HERC2: variants seen among roughly 807,000 people sequenced by gnomAD.
HERC2 encodes the protein E3 ubiquitin-protein ligase HERC2.
HERC2 carries 102 observed loss-of-function variants against 537.7 expected under a neutral mutation model. That is an observed-to-expected ratio of 0.19 (90% confidence interval 0.16 to 0.22). The LOEUF (loss-of-function observed/expected upper bound fraction) is 0.22. Ranked by LOEUF, HERC2 falls within the 10% of genes least tolerant of loss-of-function variation. The pLI, the probability that HERC2 is intolerant of heterozygous loss-of-function variation, is 1.00. For synonymous variants in HERC2, 2,224 were observed against 2,466.2 expected (o/e 0.90, Z 2.91); for missense variants, 4,236 against 6,198.2 (o/e 0.68, Z 10.63).
rs2075778567 is a variant in HERC2 at position 28,272,962 on chromosome 15, G to A, written c.843C>T (p.Ile281=). The A allele has an allele frequency of 3.1e-6, 5 of 1,612,394 alleles. No individual in the cohort carries two copies. The highest frequency in any genetic ancestry group is 1.7e-5 in the Admixed American group (1 of 60,002). ...GGGCCAAGTGCTGGTCCTGCAGGGGGATGCTTCCTGGCCCTTTGGTGGCTG... is the reference window on the plus strand; with the variant it reads ...GGGCCAAGTGCTGGTCCTGCAGGGGAATGCTTCCTGGCCCTTTGGTGGCTG... ...GTPATKGPGS[I]PLQDQHLALA... is the part of the protein sequence containing the mutation. The change falls in exon 8 of 93, where the codon ATC becomes ATT. Residue 281 remains isoleucine, a synonymous_variant. Coordinates refer to ENST00000261609, the MANE Select transcript of HERC2 (RefSeq NM_004667.6).
chr15:28,269,400 C>T lies in HERC2; in HGVS notation c.1294G>A (p.Gly432Arg), dbSNP rs2075658797. The change falls in exon 11 of 93, where the codon GGA (glycine) becomes AGA (arginine). Residue 432 changes from glycine to arginine, a missense_variant. Around this residue, in one of 27 missense-constraint regions of HERC2, gnomAD observed 491 missense variants for 559.3 expected, o/e 0.88. Coordinates refer to ENST00000261609, the MANE Select transcript of HERC2 (RefSeq NM_004667.6). ...ATCACATTGGCATAGTATTTCCATC[C>T]TATTAACCCCCAACCTATGACCTCT... is the stretch of plus-strand genomic sequence containing the variant. ...LQEVIGWGLI[G>R]WKYYANVIGP... 1 of 1,614,154 alleles carries T rather than the reference C, an allele frequency of 6.2e-7. No individual in the cohort carries two copies. Among genetic ancestry groups the T allele is most frequent in the African/African-American group, 1.3e-5 (1 of 75,036 alleles).
At chr15:28,124,863 C>T in intron 84 of HERC2, 143 bp downstream of exon 84, 2 of 860,226 alleles carry the variant, frequency 2.3e-6, no homozygotes, top group South Asian at 4.4e-5. Context: ...TATCAAGGTT[C>T]TTAAATGCAC....
chr15:28,216,920 A>C (rs929027649), intron 38 of HERC2, among the ~76,000 whole-genome samples: 1 of 151,814 alleles, frequency 6.6e-6, no homozygotes, highest in Non-Finnish European at 1.5e-5. Flanking sequence ...TCACCCACTC[A>C]CACCTTTACC....
At chr15:28,287,628 T>TAC (rs957968715) in intron 4 of HERC2, among the ~76,000 whole-genome samples, 22 of 152,186 alleles carry the variant, frequency 1.4e-4, no homozygotes, top group Non-Finnish European at 1.3e-4. Context: ...TCAAATGCAT[T>TAC]ACTTCATGTC....
At chr15:28,156,715 C>T (rs1329723321) in intron 69 of HERC2, among the ~76,000 whole-genome samples, 1 of 152,138 alleles carries the variant, frequency 6.6e-6, no homozygotes, top group Non-Finnish European at 1.5e-5. Flanking sequence ...AATTTGACTT[C>T]CTCTTGTTCT....
chr15:28,246,371 A>C (rs986210558), intron 22 of HERC2, among the ~76,000 whole-genome samples: 6 of 152,186 alleles, frequency 3.9e-5, no homozygotes, highest in Admixed American at 1.3e-4. Context: ...ACACTAAAAA[A>C]TAATGCTCTA....
chr15:28,318,153 C>T (rs969707971), intron 2 of HERC2, among the ~76,000 whole-genome samples: 3 of 152,120 alleles, frequency 2.0e-5, no homozygotes, highest in African/African-American at 7.2e-5. Flanking sequence ...TTTATAGTTC[C>T]TTTGCTTAAC....
chr15:28,252,830 T>G (rs1212322326), intron 20 of HERC2, among the ~76,000 whole-genome samples: 1 of 152,232 alleles, frequency 6.6e-6, no homozygotes, highest in Non-Finnish European at 1.5e-5. Flanking sequence ...GCTCTAAAAC[T>G]TCCTGTTTCA....
At chr15:28,232,677 C>T (rs1044767073) in intron 30 of HERC2, among the ~76,000 whole-genome samples, 4 of 152,076 alleles carry the variant, frequency 2.6e-5, no homozygotes, top group Non-Finnish European at 5.9e-5. Flanking sequence ...TGCAAAAAGA[C>T]TTTTCTGTAC....
rs1894364881 is a variant in HERC2 at position 28,168,419 on chromosome 15, T to C, written c.10401A>G (p.Gln3467=). The change falls in exon 67 of 93, where the codon CAA becomes CAG. Residue 3467 remains glutamine (Q), a synonymous_variant. Transcript: ENST00000261609. ...IEDRLSPNPW[Q]EKREIVSSED... Reference sequence around the variant, plus strand: ...GATTCGCTTTTACCTCTCTCTTTTCTTGCCATGGATTTGGACTCAGTCTGT... The same window carrying C: ...GATTCGCTTTTACCTCTCTCTTTTCCTGCCATGGATTTGGACTCAGTCTGT... The C allele has an allele frequency of 6.2e-7, 1 of 1,613,738 alleles. No individual in the cohort carries two copies. Among genetic ancestry groups the C allele is most frequent in the South Asian group, 1.1e-5 (1 of 90,968 alleles).
At position 28,202,161 on chromosome 15, in the gene HERC2, A is replaced by G. The variant is rs1289301792; in HGVS notation, c.7569T>C (p.Tyr2523=). ...LSDADTVSDE[Y]SDEEVVEDVD... is the part of the protein sequence containing the mutation. ...CGTCCTCCACCACCTCCTCGTCAGAATACTCGTCGGACACCGTGTCTGCAT... is the reference window on the plus strand; with the variant it reads ...CGTCCTCCACCACCTCCTCGTCAGAGTACTCGTCGGACACCGTGTCTGCAT... The change falls in exon 47 of 93, where the codon TAT becomes TAC. Residue 2523 remains tyrosine, a synonymous_variant. Transcript: ENST00000261609. 2 of 1,582,644 alleles carry G rather than the reference A, an allele frequency of 1.3e-6. No individual in the cohort carries two copies. The highest frequency in any genetic ancestry group is 2.2e-5 in the South Asian group (2 of 90,358).
At chr15:28,277,393 G>A (rs1433870240) in intron 5 of HERC2, among the ~76,000 whole-genome samples, 1 of 151,826 alleles carries the variant, frequency 6.6e-6, no homozygotes, top group Non-Finnish European at 1.5e-5. Flanking sequence ...TGCCATTGAG[G>A]GCAACGGGAC....
chr15:28,288,867 CTT>C (rs1032002740), intron 4 of HERC2, among the ~76,000 whole-genome samples: 1,507 of 148,586 alleles, frequency 0.01, 25 homozygotes, highest in African/African-American at 0.036. Flanking sequence ...AAAAAAAAGA[CTT>C]TTTTTTCTCT....
chr15:28,139,945 G>C (rs1343323846), intron 78 of HERC2, among the ~76,000 whole-genome samples: 1 of 151,112 alleles, frequency 6.6e-6, no homozygotes, highest in African/African-American at 2.4e-5. Flanking sequence ...GCGGGCGCCT[G>C]TTGTCCCAGC....
chr15:28,204,746 T>C (rs535230284), intron 45 of HERC2, among the ~76,000 whole-genome samples: 5,893 of 151,716 alleles, frequency 0.039, 233 homozygotes, highest in African/African-American at 0.13. Context: ...ATGTCTTGGA[T>C]GGATATAACA....
chr15:28,209,920 G>A (rs1217848762), intron 44 of HERC2, among the ~76,000 whole-genome samples: 3 of 142,904 alleles, frequency 2.1e-5, no homozygotes, highest in East Asian at 4.2e-4. Flanking sequence ...AGGCCATAAC[G>A]ACACTGTTGA....
chr15:28,209,573 G>C (rs1190426642), intron 44 of HERC2, among the ~76,000 whole-genome samples: 3 of 152,190 alleles, frequency 2.0e-5, no homozygotes, highest in African/African-American at 7.2e-5. Flanking sequence ...TCGATCTCCT[G>C]ACCTCGTGAT....
At chr15:28,273,227 A>C in intron 7 of HERC2, 1 of 588,408 alleles carries the variant, frequency 1.7e-6, no homozygotes, top group Non-Finnish European at 3.0e-6. Context: ...CTCAGATACT[A>C]TATTACAGTA....
chr15:28,172,449 T>C lies in HERC2; in HGVS notation c.10057+1946A>G, dbSNP rs147247785. Among the ~76,000 whole-genome samples, 982 of 152,298 alleles carry C rather than the reference T, an allele frequency of 6.4e-3. 31 individuals are homozygous for C. The highest frequency in any genetic ancestry group is 0.045 in the Admixed American group (684 of 15,296). ...CACAAATAAATCAATGAAACAGTAC[T>C]GAGAGTCCAGAAATAGATCCATACA... On this transcript the variant is annotated intron_variant, in intron 65 of 92. Transcript: ENST00000261609.
Sources: gnomAD v4.1 joint callset for allele counts (sites outside exome capture counted in the v4.1 genomes callset) on GRCh38, gnomAD v4.1.1 for gene constraint, gnomAD v4.1.1 regional missense constraint, MANE v1.5 for transcripts, NCBI Gene and HGNC (gene_info 2026-07-23, HGNC 2026-07-21) for gene names.